Variants in PDS5A observed in about 807,000 individuals in gnomAD.
PDS5A encodes the protein sister chromatid cohesion protein PDS5 homolog A.
In PDS5A, 42 loss-of-function variants were observed where a neutral mutation model predicts 167.1. That is an observed-to-expected ratio of 0.25 (90% CI 0.20 to 0.33). The LOEUF is 0.33. PDS5A is among the 10% of genes least tolerant of loss of function. The pLI is 1.00. For missense variants in PDS5A, 1,033 were observed against 1,605.9 expected (o/e 0.64, Z 6.10); for synonymous variants, 553 against 554.6 (o/e 1.00, Z 0.04).
Position 39,930,249 on chromosome 4 carries a change from T to TTTG in PDS5A, c.139-2086_139-2085insCAA, listed in dbSNP as rs1553903848. ...AAAAAAAAAAAAAAAAAAAAAAAGT[T>TTTG]TTTTTGTTTTTTGTTTTTTTTTTTT... On this transcript the variant is annotated intron_variant, in intron 2 of 32. Transcript: ENST00000303538. Among the ~76,000 whole-genome samples, 172 of 105,844 alleles carry TTTG rather than the reference T, an allele frequency of 1.6e-3. 18 individuals carry two copies. In the East Asian group the frequency reaches 0.05, roughly 31 times the overall value. 69.4% of individuals were successfully genotyped at this position (105,844 alleles called of 152,430 possible).
At chr4:39,898,297 T>C (rs1317309314) in intron 16 of PDS5A, 92 bp downstream of exon 16, 2 of 1,401,772 alleles carry the variant, frequency 1.4e-6, no homozygotes, top group Non-Finnish European at 1.9e-6. Context: ...TTGTTACATT[T>C]ACACAAATCA....
intron 32 of PDS5A, among the ~76,000 whole-genome samples, chr4:39,833,191 CAAAAAAAAAAA>C (rs1166233113): frequency 5.3e-5 from 2 of 37,928 alleles, no homozygotes; most frequent in African/African-American, 1.3e-4. Flanking sequence ...AACTCCGTCT[CAAAAAAAAAAA>C]AAAAAAAAAA....
At chr4:39,875,311 A>G (rs1720370446) in intron 19 of PDS5A, among the ~76,000 whole-genome samples, 1 of 152,208 alleles carries the variant, frequency 6.6e-6, no homozygotes, top group South Asian at 2.1e-4. Context: ...ACATTCATAG[A>G]AAGTATATAT....
intron 26 of PDS5A, among the ~76,000 whole-genome samples, chr4:39,853,332 C>T (rs555451659): frequency 1.3e-5 from 2 of 152,272 alleles, no homozygotes; most frequent in Admixed American, 6.5e-5. Context: ...TTGTTTAATG[C>T]TACAGAAAAA....
At chr4:39,966,771 G>A (rs1730000267) in intron 2 of PDS5A, among the ~76,000 whole-genome samples, 1 of 152,154 alleles carries the variant, frequency 6.6e-6, no homozygotes, top group African/African-American at 2.4e-5. Flanking sequence ...GCCAAGCTGG[G>A]TGGATCACTT....
At chr4:39,874,483 C>T (rs1212085262) in intron 19 of PDS5A, 71 bp from the exon 20 acceptor site, 1 of 1,269,494 alleles carries the variant, frequency 7.9e-7, no homozygotes, top group Non-Finnish European at 1.1e-6. Flanking sequence ...TGGTTGACTT[C>T]CACTTCCCCT....
intron 16 of PDS5A, among the ~76,000 whole-genome samples, chr4:39,893,233 A>T (rs745499195): frequency 2.0e-5 from 3 of 152,206 alleles, no homozygotes; most frequent in Non-Finnish European, 4.4e-5. Context: ...TCTAGGGTCA[A>T]GGTGTAGAAA....
At chr4:39,901,659 T>G (rs1344560551) in intron 13 of PDS5A, among the ~76,000 whole-genome samples, 1 of 152,172 alleles carries the variant, frequency 6.6e-6, no homozygotes, top group Non-Finnish European at 1.5e-5. Flanking sequence ...ATTCTCTCTC[T>G]TTTTTAAGAC....
At chr4:39,852,454 G>A (rs542974229) in intron 26 of PDS5A, among the ~76,000 whole-genome samples, 3 of 151,790 alleles carry the variant, frequency 2.0e-5, no homozygotes, top group South Asian at 2.1e-4. Flanking sequence ...TCTCCATCTC[G>A]TATCTTTTCA....
rs181079338 is a variant in PDS5A, at chr4:39,937,125, A to G, written c.139-8961T>C. On this transcript the variant is annotated intron_variant, in intron 2 of 32. Transcript: ENST00000303538. ...GCTTTATGACGCAGGCATGAATGAT[A>G]AAATCAAGACTGAACTCAATCTCCA... Among the ~76,000 whole-genome samples the G allele has an allele frequency of 5.5e-3, 845 of 152,304 alleles. 4 individuals carry two copies. The highest frequency in any genetic ancestry group is 9.8e-3 in the Non-Finnish European group (668 of 68,034).
At chr4:39,965,680 A>C (rs1271019992) in intron 2 of PDS5A, among the ~76,000 whole-genome samples, 1 of 152,226 alleles carries the variant, frequency 6.6e-6, no homozygotes, top group Admixed American at 6.6e-5. Flanking sequence ...CAATTATTTG[A>C]GAGTAAGGTA....
At chr4:39,881,520 A>G (rs1720928377) in intron 17 of PDS5A, among the ~76,000 whole-genome samples, 1 of 152,182 alleles carries the variant, frequency 6.6e-6, no homozygotes, top group South Asian at 2.1e-4. Flanking sequence ...AAAAAAACAA[A>G]TTGCTGTATA....
chr4:39,944,694 C>CAAAAAAAAAAAAA (rs373241104), intron 2 of PDS5A, among the ~76,000 whole-genome samples: 1 of 86,112 alleles, frequency 1.2e-5, no homozygotes, highest in Non-Finnish European at 2.5e-5. Flanking sequence ...AACTCCATCT[C>CAAAAAAAAAAAAA]AAAAAAAAAA....
At chr4:39,941,256 T>C (rs1727199596) in intron 2 of PDS5A, among the ~76,000 whole-genome samples, 1 of 152,206 alleles carries the variant, frequency 6.6e-6, no homozygotes, top group South Asian at 2.1e-4. Flanking sequence ...ACAGAGTAAG[T>C]ACTCAGTATT....
intron 32 of PDS5A, 144 bp from the exon 33 acceptor site, chr4:39,825,632 C>G: frequency 1.7e-6 from 1 of 596,300 alleles, no homozygotes; most frequent in Non-Finnish European, 2.8e-6. Flanking sequence ...CTCTGTCACT[C>G]AGGCTGAAGT....
chr4:39,839,939 C>T (rs1224991257), intron 31 of PDS5A, among the ~76,000 whole-genome samples: 3 of 151,594 alleles, frequency 2.0e-5, no homozygotes, highest in Non-Finnish European at 4.4e-5. Context: ...ACTAAAAATA[C>T]AAAAATTAGC....
At chr4:39,879,026 G>C (rs545368044) in intron 18 of PDS5A, among the ~76,000 whole-genome samples, 121 of 152,324 alleles carry the variant, frequency 7.9e-4, no homozygotes, top group South Asian at 2.1e-3. Flanking sequence ...ACAGGCATGA[G>C]CTGCCGAGCC....
Position 39,823,076 on chromosome 4 carries a change from T to C in PDS5A, c.*2409A>G, listed in dbSNP as rs926685565. ...AAGGAGATACAAAATTCTGGCTTGT[T>C]GTTTTAGACAAATACAAGAAGCTTC... is the stretch of plus-strand genomic sequence containing the variant. On this transcript the variant is annotated 3_prime_UTR_variant, in exon 33 of 33. Transcript: ENST00000303538. 5 of 152,650 alleles carry C rather than the reference T, an allele frequency of 3.3e-5. No individual in the cohort carries two copies. The highest frequency in any genetic ancestry group is 9.6e-5 in the African/African-American group (4 of 41,462). The allele number at this position is 152,650 out of a possible 1,614,324, so 9.5% of individuals were successfully genotyped here.
intron 28 of PDS5A, chr4:39,846,593 T>G (rs1717629742): frequency 6.6e-6 from 1 of 152,218 alleles, no homozygotes; most frequent in South Asian, 2.1e-4. Flanking sequence ...AAACCAAATG[T>G]GGAAAATGAT....
Sources: allele counts gnomAD v4.1 joint callset (sites outside exome capture counted in the v4.1 genomes callset), GRCh38; gene constraint gnomAD v4.1.1; transcripts MANE v1.5; gene names NCBI Gene and HGNC (gene_info 2026-07-23, HGNC 2026-07-21).